The following CDH4 variants were observed in gnomAD, a reference collection of about 807,000 sequenced individuals.
CDH4 encodes the protein cadherin 4.
In CDH4, 33 loss-of-function variants were observed where a neutral mutation model predicts 86.0. The observed-to-expected ratio is 0.38, with a 90% CI of 0.29 to 0.51. The LOEUF is 0.51. CDH4 is among the 20% of genes least tolerant of loss of function. CDH4 has a pLI of 0.86. For missense variants in CDH4, 1,114 were observed against 1,307.4 expected (o/e 0.85, Z 2.28); for synonymous variants, 555 against 549.4 (o/e 1.01, Z -0.14).
chr20:61,767,041 G>A (rs976687472), intron 3 of CDH4, among the ~76,000 whole-genome samples: 1 of 152,186 alleles, frequency 6.6e-6, no homozygotes, highest in Non-Finnish European at 1.5e-5. Flanking sequence ...AAGCTTGAGC[G>A]GGGCTTCATC....
intron 4 of CDH4, among the ~76,000 whole-genome samples, chr20:61,838,031 G>A (rs567169026): frequency 1.1e-4 from 17 of 151,786 alleles, no homozygotes; most frequent in African/African-American, 4.1e-4. Context: ...CCTGCTCACC[G>A]TTTTTTCCTC....
At chr20:61,353,518 C>G (rs1475079731) in intron 2 of CDH4, among the ~76,000 whole-genome samples, 1 of 151,092 alleles carries the variant, frequency 6.6e-6, no homozygotes, top group Non-Finnish European at 1.5e-5. Context: ...CACAGAAAAC[C>G]GAATATATTC....
At chr20:61,606,753 G>T (rs2086648895) in intron 2 of CDH4, among the ~76,000 whole-genome samples, 1 of 152,314 alleles carries the variant, frequency 6.6e-6, no homozygotes, top group African/African-American at 2.4e-5. Flanking sequence ...GACATTTTGG[G>T]GTCTAAATGT....
rs1378139919 is a variant in CDH4 at position 61,566,119 on chromosome 20, G to A, written c.170-177444G>A. 2.6e-5 allele frequency among the ~76,000 whole-genome samples: 4 copies of A among 152,130 alleles called. No individual in the cohort carries two copies. The South Asian group carries it at 6.2e-4, about 24-fold the overall frequency. ...GAGTCTCCTGCTGGGGCATCACTGG[G>A]CTGCTCTCGTCCCCGACAGACTCAC... On this transcript the variant is annotated intron_variant, in intron 2 of 15. Transcript: ENST00000614565.
intron 2 of CDH4, among the ~76,000 whole-genome samples, chr20:61,436,281 G>A (rs2085281642): frequency 1.3e-5 from 2 of 152,064 alleles, no homozygotes; most frequent in African/African-American, 4.8e-5. Flanking sequence ...ACACCAACTG[G>A]GTATCCTGCA....
At chr20:61,699,782 ACCG>A (rs1251863740) in intron 2 of CDH4, among the ~76,000 whole-genome samples, 2 of 135,848 alleles carry the variant, frequency 1.5e-5, no homozygotes, top group African/African-American at 7.4e-5. Context: ...CGGGGCTTTC[ACCG>A]CTGACCCGGG....
At chr20:61,612,876 T>G (rs914060433) in intron 2 of CDH4, among the ~76,000 whole-genome samples, 3 of 152,118 alleles carry the variant, frequency 2.0e-5, no homozygotes, top group African/African-American at 7.3e-5. Context: ...TTGGTCTCTT[T>G]GGTCTTTGGC....
At chr20:61,753,297 T>G (rs1014182214) in intron 3 of CDH4, among the ~76,000 whole-genome samples, 1 of 152,162 alleles carries the variant, frequency 6.6e-6, no homozygotes, top group Non-Finnish European at 1.5e-5. Flanking sequence ...AAGTGCCGCC[T>G]CCTCTGTCCA....
At chr20:61,840,884 C>T (rs943501151) in intron 4 of CDH4, among the ~76,000 whole-genome samples, 7 of 152,262 alleles carry the variant, frequency 4.6e-5, no homozygotes, top group African/African-American at 1.2e-4. Context: ...ATTTCAGAGG[C>T]GGCCAAACGG....
At position 61,807,226 on chromosome 20, in the gene CDH4, G is replaced by C. The variant is rs1328120015; in HGVS notation, c.576+34044G>C. 1.3e-5 allele frequency among the ~76,000 whole-genome samples: 2 copies of C among 152,182 alleles called. No individual in the cohort carries two copies. The highest frequency in any genetic ancestry group is 1.9e-4 in the East Asian group (1 of 5,180). ...AGTGGCCTGTGGGAGAACTGCCCTG[G>C]GGAAGGAAGTCAGTGATGTTGTAGA... On this transcript the variant is annotated intron_variant, in intron 4 of 15. Transcript: ENST00000614565. This position sits in a 1 kb window ranked among gnomAD's most constrained non-coding sequence, Gnocchi z 4.5.
At chr20:61,552,101 T>G (rs1372846050) in intron 2 of CDH4, among the ~76,000 whole-genome samples, 2 of 152,188 alleles carry the variant, frequency 1.3e-5, no homozygotes, top group Non-Finnish European at 2.9e-5. Context: ...ACTCCTAAAG[T>G]GCAGGCAAGC....
At chr20:61,883,896 A>G (rs1286613496) in intron 7 of CDH4, among the ~76,000 whole-genome samples, 1 of 152,322 alleles carries the variant, frequency 6.6e-6, no homozygotes, top group Non-Finnish European at 1.5e-5. Context: ...ACAGACGGAC[A>G]GACAGAGAGA....
intron 2 of CDH4, among the ~76,000 whole-genome samples, chr20:61,458,444 G>C (rs2085422374): frequency 7.1e-6 from 1 of 140,462 alleles, no homozygotes; most frequent in African/African-American, 2.6e-5. Flanking sequence ...TGATGGTCAT[G>C]GTTGTGATGG....
At chr20:61,922,236 TTG>T (rs1378778865) in intron 9 of CDH4, among the ~76,000 whole-genome samples, 9 of 152,362 alleles carry the variant, frequency 5.9e-5, no homozygotes, top group Admixed American at 2.0e-4. Flanking sequence ...ACACAATGTG[TTG>T]TGTTTTTTTC....
intron 4 of CDH4, among the ~76,000 whole-genome samples, chr20:61,804,681 G>T (rs187325467): frequency 2.6e-5 from 4 of 152,224 alleles, no homozygotes; most frequent in African/African-American, 7.2e-5. Flanking sequence ...TCCTCCAGGG[G>T]AGGGAGTGGC....
chr20:61,319,366 C>T (rs373252939), intron 2 of CDH4, among the ~76,000 whole-genome samples: 2 of 152,230 alleles, frequency 1.3e-5, no homozygotes, highest in South Asian at 2.1e-4. Context: ...TGTTATGCTC[C>T]ACCGGGAAGC....
intron 13 of CDH4, 22 bp downstream of exon 13, chr20:61,929,864 G>A (rs765565193): frequency 6.3e-7 from 1 of 1,594,522 alleles, no homozygotes; most frequent in East Asian, 2.2e-5. Context: ...TGAGCACCAG[G>A]GTGGGCAGGG....
chr20:61,317,959 C>T lies in CDH4; in HGVS notation c.169+63022C>T, dbSNP rs78631200. On this transcript the variant is annotated intron_variant, in intron 2 of 15. Transcript: ENST00000614565. ...TTGCAACTGTGAAGTGTTGTGCACA[C>T]TTATTGGAGGAAAACGCCAACTGTG... Among the ~76,000 whole-genome samples the T allele has an allele frequency of 2.1e-3, 326 of 152,310 alleles. 3 individuals carry two copies. The highest frequency in any genetic ancestry group is 7.3e-3 in the African/African-American group (304 of 41,554).
At chr20:61,354,622 G>A (rs562630492) in intron 2 of CDH4, among the ~76,000 whole-genome samples, 97 of 152,322 alleles carry the variant, frequency 6.4e-4, no homozygotes, top group Non-Finnish European at 9.6e-4. Context: ...GCTCAGCCCC[G>A]CTGCACCTGC....
Sources: gnomAD v4.1 joint callset for allele counts (sites outside exome capture counted in the v4.1 genomes callset) on GRCh38, gnomAD v4.1.1 for gene constraint, Gnocchi (gnomAD v3.1) non-coding constraint, MANE v1.5 for transcripts, NCBI Gene and HGNC (gene_info 2026-07-23, HGNC 2026-07-21) for gene names.